ARHGAP32: variants seen among roughly 807,000 people sequenced by gnomAD.
ARHGAP32 encodes Rho GTPase activating protein 32, also known as rho GTPase-activating protein 32.
ARHGAP32 carries 51 observed loss-of-function variants against 186.5 expected under a neutral mutation model. That is an observed-to-expected ratio of 0.27 (90% CI 0.22 to 0.35). The LOEUF (loss-of-function observed/expected upper bound fraction) is 0.35. Among genes scored for constraint, ARHGAP32 ranks in the 10% least tolerant of loss-of-function variants. ARHGAP32 has a pLI of 1.00. For synonymous variants in ARHGAP32, 950 were observed against 964.3 expected (o/e 0.99, Z 0.27); for missense variants, 2,186 against 2,623.5 (o/e 0.83, Z 3.64).
chr11:129,023,581 T>C (rs780097022), intron 11 of ARHGAP32, among the ~76,000 whole-genome samples: 3 of 152,166 alleles, frequency 2.0e-5, no homozygotes, highest in Admixed American at 6.5e-5. Context: ...AATAAGCTGA[T>C]TGGAAATAGG....
intron 10 of ARHGAP32, among the ~76,000 whole-genome samples, chr11:129,045,417 C>T (rs1565393820): frequency 6.6e-6 from 1 of 152,182 alleles, no homozygotes; most frequent in Non-Finnish European, 1.5e-5. Context: ...CACTCCTAAA[C>T]ATCAAGGAGT....
At chr11:129,117,561 T>C (rs1397339062) in intron 5 of ARHGAP32, among the ~76,000 whole-genome samples, 2 of 151,964 alleles carry the variant, frequency 1.3e-5, no homozygotes, top group Non-Finnish European at 2.9e-5. Context: ...TTCAAGTCCC[T>C]TGCAGGCAGC....
At chr11:129,034,551 T>C (rs1432938341) in intron 11 of ARHGAP32, among the ~76,000 whole-genome samples, 1 of 151,352 alleles carries the variant, frequency 6.6e-6, no homozygotes, top group African/African-American at 2.4e-5. Flanking sequence ...TGCAAAAAGA[T>C]GGGGAATTCC....
intron 5 of ARHGAP32, among the ~76,000 whole-genome samples, chr11:129,103,864 G>A (rs894233970): frequency 1.3e-5 from 2 of 151,954 alleles, no homozygotes; most frequent in African/African-American, 4.8e-5. Flanking sequence ...GTCTCCAGTA[G>A]ACTAGTCCAA....
chr11:129,242,609 T>C (rs2135669830), intron 1 of ARHGAP32, among the ~76,000 whole-genome samples: 1 of 151,750 alleles, frequency 6.6e-6, no homozygotes, highest in East Asian at 1.9e-4. Flanking sequence ...TCCCAGCTAC[T>C]TGGGAGGCTG....
intron 1 of ARHGAP32, among the ~76,000 whole-genome samples, chr11:129,251,863 A>G (rs1945189366): frequency 6.7e-6 from 1 of 150,240 alleles, no homozygotes; most frequent in Non-Finnish European, 1.5e-5. Context: ...TGAACCCAGG[A>G]GGCGGAGGTT....
At chr11:129,215,537 G>T (rs1944634646) in intron 1 of ARHGAP32, among the ~76,000 whole-genome samples, 2 of 152,136 alleles carry the variant, frequency 1.3e-5, no homozygotes, top group South Asian at 2.1e-4. Flanking sequence ...GTTCCTTCTG[G>T]AGAGGGGAGA....
At position 129,203,196 on chromosome 11, in the gene ARHGAP32, T is replaced by C. The variant is rs531849197; in HGVS notation, c.-4-38769A>G. ...CAGATACATTCGAATCTAGTGATCT[T>C]AGGAAATCCCTCTCACTGGCTAAGC... On this transcript the variant is annotated intron_variant, in intron 1 of 6. Transcript: ENST00000525234. 5.3e-5 allele frequency: 8 copies of C among 152,348 alleles called. No individual in the cohort carries two copies. The East Asian group carries it at 1.5e-3, about 29-fold the overall frequency. The allele number at this position is 152,348 out of a possible 1,614,324, so 9.4% of individuals were successfully genotyped here.
At chr11:129,000,874 A>T (rs1946340259) in intron 11 of ARHGAP32, among the ~76,000 whole-genome samples, 1 of 152,136 alleles carries the variant, frequency 6.6e-6, no homozygotes, top group Non-Finnish European at 1.5e-5. Context: ...GTGAGAATGT[A>T]CAAAGTTTAT....
chr11:129,214,689 G>C (rs1944623220), intron 1 of ARHGAP32, among the ~76,000 whole-genome samples: 1 of 152,164 alleles, frequency 6.6e-6, no homozygotes, highest in African/African-American at 2.4e-5. Context: ...GTTTCAAATT[G>C]ATACATGAGG....
At chr11:129,118,898 A>T (rs1274018226) in intron 5 of ARHGAP32, among the ~76,000 whole-genome samples, 1 of 151,968 alleles carries the variant, frequency 6.6e-6, no homozygotes, top group Non-Finnish European at 1.5e-5. Flanking sequence ...TTTGTTTTTA[A>T]ATATATATAT....
intron 11 of ARHGAP32, among the ~76,000 whole-genome samples, chr11:129,026,987 T>C (rs1289269086): frequency 6.8e-6 from 1 of 146,430 alleles, no homozygotes; most frequent in Non-Finnish European, 1.5e-5. Flanking sequence ...TAGTCCCAGC[T>C]ACTCGGGAGG....
At chr11:129,006,463 G>A (rs919784310) in intron 11 of ARHGAP32, among the ~76,000 whole-genome samples, 2 of 152,220 alleles carry the variant, frequency 1.3e-5, no homozygotes, top group East Asian at 1.9e-4. Flanking sequence ...CAATAATGCT[G>A]TAGTTCCTGC....
chr11:129,198,577 C>G (rs1479439851), intron 1 of ARHGAP32, among the ~76,000 whole-genome samples: 1 of 152,170 alleles, frequency 6.6e-6, no homozygotes, highest in East Asian at 1.9e-4. Context: ...TTGCTGGCTG[C>G]CATGTAAGAT....
In ARHGAP32 at chr11:129,272,179, AAAAG is replaced by A. The variant is rs142115106; in HGVS notation, c.-5+6963_-5+6966del. Among the ~76,000 whole-genome samples, 1,104 of 152,304 alleles carry A rather than the reference AAAAG, an allele frequency of 7.2e-3. 11 individuals carry two copies. Among genetic ancestry groups the A allele is most frequent in the Middle Eastern group, 0.027 (8 of 294 alleles). On this transcript the variant is annotated intron_variant, in intron 1 of 6. Transcript: ENST00000525234. ...GGGGATCCCAAGGTAAAGGTGGTTT[AAAAG>A]GTGTGATTTATTCATTTAAGGCATC... is the stretch of plus-strand genomic sequence containing the variant.
intron 1 of ARHGAP32, among the ~76,000 whole-genome samples, chr11:129,179,335 C>T (rs1364906755): frequency 2.0e-5 from 3 of 152,188 alleles, no homozygotes; most frequent in Admixed American, 2.0e-4. Flanking sequence ...AAAACTTTTA[C>T]ACTGTTGCTG....
At chr11:129,189,678 A>G (rs1944236490) in intron 1 of ARHGAP32, among the ~76,000 whole-genome samples, 1 of 152,242 alleles carries the variant, frequency 6.6e-6, no homozygotes, top group African/African-American at 2.4e-5. Flanking sequence ...TCAATGGCAG[A>G]CAAATTTAAA....
chr11:129,264,071 A>C (rs1270090670), intron 1 of ARHGAP32, among the ~76,000 whole-genome samples: 2 of 152,178 alleles, frequency 1.3e-5, no homozygotes, highest in Non-Finnish European at 2.9e-5. Context: ...AAAGAAGGAA[A>C]TCCTTCCGCA....
intron 2 of ARHGAP32, among the ~76,000 whole-genome samples, chr11:129,146,922 T>TA (rs1943178042): frequency 6.6e-6 from 1 of 152,040 alleles, no homozygotes; most frequent in South Asian, 2.1e-4. Context: ...GCTCCCTAAA[T>TA]AAAAAATTTC....
Sources: allele counts gnomAD v4.1 joint callset (sites outside exome capture counted in the v4.1 genomes callset), GRCh38; gene constraint gnomAD v4.1.1; transcripts MANE v1.5; gene names NCBI Gene and HGNC (gene_info 2026-07-23, HGNC 2026-07-21).